The following NR3C2 variants were observed in gnomAD, a reference collection of about 807,000 sequenced individuals.
NR3C2 encodes the protein nuclear receptor subfamily 3 group C member 2.
NR3C2 carries 15 observed loss-of-function variants against 86.4 expected under a neutral mutation model. The ratio of observed to expected loss-of-function variants is 0.17; its 90% CI spans 0.12 to 0.27. The LOEUF is 0.27. NR3C2 is among the 10% of genes least tolerant of loss of function. NR3C2 has a pLI of 1.00. For synonymous variants in NR3C2, 458 were observed against 450.5 expected (o/e 1.02, Z -0.21); for missense variants, 960 against 1,195.6 (o/e 0.80, Z 2.91).
intron 3 of NR3C2, among the ~76,000 whole-genome samples, chr4:148,245,945 T>C (rs1458668087): frequency 1.3e-5 from 2 of 152,240 alleles, no homozygotes; most frequent in African/African-American, 4.8e-5. Context: ...TCTTATGATT[T>C]ACTTGTGTAA....
chr4:148,120,200 C>T lies in NR3C2; in HGVS notation c.2599G>A (p.Glu867Lys). The T allele has an allele frequency of 1.2e-6, 2 of 1,614,140 alleles. No individual in the cohort carries two copies. The highest frequency in any genetic ancestry group is 1.7e-6 in the Non-Finnish European group (2 of 1,180,012). ...AAAACTTTCATGATGGTGTATTCTT[C>T]AAAGGTGAGCTGCAGTCGAACGAAC... ...LQFVRLQLTFEEYTIMKVLLL... is the reference protein window; with the variant it reads ...LQFVRLQLTFKEYTIMKVLLL... The change falls in exon 7 of 9, where the codon GAA becomes AAA. Residue 867 changes from glutamate to lysine, a missense_variant. Coordinates refer to ENST00000358102, the MANE Select transcript of NR3C2 (RefSeq NM_000901.5).
At chr4:148,293,331 A>C (rs1295422435) in intron 2 of NR3C2, among the ~76,000 whole-genome samples, 1 of 152,206 alleles carries the variant, frequency 6.6e-6, no homozygotes. Context: ...GGTAGTCCTC[A>C]GACTAAACTC....
intron 2 of NR3C2, among the ~76,000 whole-genome samples, chr4:148,315,071 T>C (rs973173726): frequency 1.3e-5 from 2 of 152,228 alleles, no homozygotes; most frequent in African/African-American, 4.8e-5. Context: ...TAATAGTTCA[T>C]TTTTTAAAAA....
At chr4:148,194,701 A>G (rs1163799744) in intron 4 of NR3C2, 45 bp downstream of exon 4, 1 of 1,267,184 alleles carries the variant, frequency 7.9e-7, no homozygotes, top group Non-Finnish European at 1.1e-6. Flanking sequence ...GTGCTGTTGC[A>G]TTACCTATTA....
intron 2 of NR3C2, among the ~76,000 whole-genome samples, chr4:148,407,424 T>C (rs1218468264): frequency 6.6e-6 from 1 of 152,196 alleles, no homozygotes; most frequent in Non-Finnish European, 1.5e-5. Context: ...TGTTTTCCCA[T>C]ATAAAAATAA....
intron 7 of NR3C2, among the ~76,000 whole-genome samples, chr4:148,119,125 T>C (rs531265386): frequency 3.3e-5 from 5 of 152,334 alleles, no homozygotes; most frequent in East Asian, 1.9e-4. Context: ...ATTTCTTCAA[T>C]GGACATTGAA....
intron 2 of NR3C2, among the ~76,000 whole-genome samples, chr4:148,343,512 C>T (rs1744852467): frequency 6.7e-6 from 1 of 150,060 alleles, no homozygotes; most frequent in Non-Finnish European, 1.5e-5. Context: ...TGCTTTTGGT[C>T]CCTGGGATTC....
At chr4:148,393,950 C>T (rs970576821) in intron 2 of NR3C2, among the ~76,000 whole-genome samples, 17 of 152,152 alleles carry the variant, frequency 1.1e-4, no homozygotes, top group African/African-American at 2.7e-4. Flanking sequence ...CTTATTTTGG[C>T]CAGCAGGGCT....
At chr4:148,350,586 T>A (rs1281260365) in intron 2 of NR3C2, among the ~76,000 whole-genome samples, 1 of 152,192 alleles carries the variant, frequency 6.6e-6, no homozygotes, top group Non-Finnish European at 1.5e-5. Flanking sequence ...TCCTAACCCA[T>A]CTCCTCAAAT....
chr4:148,083,583 A>G (rs879872747), intron 8 of NR3C2, among the ~76,000 whole-genome samples: 5 of 152,218 alleles, frequency 3.3e-5, no homozygotes, highest in African/African-American at 1.2e-4. Flanking sequence ...ATGGGGAGAA[A>G]CCAGTGCAAA....
intron 2 of NR3C2, among the ~76,000 whole-genome samples, chr4:148,362,413 A>G (rs2150005010): frequency 6.6e-6 from 1 of 152,344 alleles, no homozygotes; most frequent in Non-Finnish European, 1.5e-5. Context: ...CAATGTCACT[A>G]TGTACCTCAT....
intron 3 of NR3C2, among the ~76,000 whole-genome samples, chr4:148,221,659 G>A (rs375591218): frequency 5.3e-5 from 8 of 152,128 alleles, no homozygotes; most frequent in South Asian, 2.1e-4. Context: ...TTGGGAGGCC[G>A]AGGCAGGTGG....
intron 3 of NR3C2, among the ~76,000 whole-genome samples, chr4:148,251,354 T>C: frequency 6.6e-6 from 1 of 152,206 alleles, no homozygotes. Flanking sequence ...TCAATGTTAG[T>C]ATTTGATGAC....
At chr4:148,383,125 T>G (rs901547239) in intron 2 of NR3C2, among the ~76,000 whole-genome samples, 2 of 152,234 alleles carry the variant, frequency 1.3e-5, no homozygotes, top group Non-Finnish European at 2.9e-5. Flanking sequence ...CTTGATATCT[T>G]AATTTGTGAC....
intron 3 of NR3C2, among the ~76,000 whole-genome samples, chr4:148,231,800 A>G (rs941198135): frequency 1.3e-5 from 2 of 152,224 alleles, no homozygotes; most frequent in African/African-American, 4.8e-5. Flanking sequence ...CTGCTGTGTC[A>G]ACTAAGTTTA....
intron 3 of NR3C2, among the ~76,000 whole-genome samples, chr4:148,232,143 G>C (rs1738497801): frequency 6.6e-6 from 1 of 152,152 alleles, no homozygotes; most frequent in Non-Finnish European, 1.5e-5. Context: ...AATCGTTTAT[G>C]TTTTGGATTG....
intron 2 of NR3C2, among the ~76,000 whole-genome samples, chr4:148,279,391 C>A (rs759579383): frequency 1.3e-5 from 2 of 152,166 alleles, no homozygotes; most frequent in Non-Finnish European, 2.9e-5. Context: ...TGAAGGCAAG[C>A]TTTAATTCCT....
intron 2 of NR3C2, among the ~76,000 whole-genome samples, chr4:148,383,935 G>A (rs568758357): frequency 8.4e-4 from 117 of 139,582 alleles, no homozygotes; most frequent in African/African-American, 2.8e-3. Flanking sequence ...AGGGCACAGC[G>A]AGACTCTGTC....
intron 6 of NR3C2, among the ~76,000 whole-genome samples, chr4:148,136,510 A>G (rs1733349546): frequency 6.6e-6 from 1 of 152,126 alleles, no homozygotes; most frequent in African/African-American, 2.4e-5. Flanking sequence ...CTGCTCAGGT[A>G]CAGCATCTCA....
Sources: gnomAD v4.1 joint callset for allele counts (sites outside exome capture counted in the v4.1 genomes callset) on GRCh38, gnomAD v4.1.1 for gene constraint, MANE v1.5 for transcripts, NCBI Gene and HGNC (gene_info 2026-07-23, HGNC 2026-07-21) for gene names.